Variants in GAB3 observed in about 807,000 individuals in gnomAD.
GAB3 encodes GRB2-associated-binding protein 3.
Under a neutral mutation model 40.4 loss-of-function variants are expected in GAB3, and 12 were observed. The ratio of observed to expected loss-of-function variants is 0.30; its 90% confidence interval spans 0.19 to 0.48. The LOEUF (loss-of-function observed/expected upper bound fraction) is 0.48. Among genes scored for constraint, GAB3 ranks in the 20% least tolerant of loss-of-function variants. The probability of loss-of-function intolerance (pLI) is 0.99; values close to 1 mark genes in which losing one functional copy is unlikely to be tolerated. For missense variants in GAB3, 381 were observed against 461.9 expected (o/e 0.82, Z 1.61); for synonymous variants, 154 against 176.7 (o/e 0.87, Z 1.02).
chrX:154,714,630 C>T (rs781818583), intron 2 of GAB3, among the ~76,000 whole-genome samples: 6 of 112,218 alleles, frequency 5.3e-5, no homozygotes, highest in Admixed American at 1.9e-4. Flanking sequence ...AACTTCATGC[C>T]GGGACAGGCT....
chrX:154,703,841 A>G (rs1460088031), intron 4 of GAB3, among the ~76,000 whole-genome samples: 2 of 111,169 alleles, frequency 1.8e-5, no homozygotes, highest in Admixed American at 1.9e-4. Flanking sequence ...GAGGTTCCTC[A>G]GAAAACTAAA....
rs35585683 is a variant in GAB3 at position 154,706,921 on chromosome X, G to GAA, written c.1069+5306_1069+5307dup. Among the ~76,000 whole-genome samples the GAA allele has an allele frequency of 6.9e-3, 588 of 85,637 alleles. 2 individuals are homozygous for GAA. The highest frequency in any genetic ancestry group is 9.5e-3 in the Non-Finnish European group (418 of 44,225). 74.4% of individuals were successfully genotyped at this position (85,637 alleles called of 115,157 possible). On this transcript the variant is annotated intron_variant, in intron 4 of 9. Transcript: ENST00000424127. ...GGTGACAGAATGAGACCTTGTTTCTGAAAAAAAAAAAAAAAATTAGAAAGA... is the reference window on the plus strand; with the variant it reads ...GGTGACAGAATGAGACCTTGTTTCTGAAAAAAAAAAAAAAAAAATTAGAAAGA...
intron 1 of GAB3, among the ~76,000 whole-genome samples, chrX:154,726,991 C>T (rs1344978681): frequency 4.5e-5 from 5 of 112,278 alleles, no homozygotes; most frequent in African/African-American, 1.6e-4. Flanking sequence ...TCTCAACTCC[C>T]CCCATAAATT....
At chrX:154,728,397 C>T (rs1454702284) in intron 1 of GAB3, among the ~76,000 whole-genome samples, 1 of 112,508 alleles carries the variant, frequency 8.9e-6, no homozygotes, top group Non-Finnish European at 1.9e-5. Context: ...GCGCCTAGAG[C>T]GCCAGGATTT....
chrX:154,695,973 C>T lies in GAB3; in HGVS notation c.1474G>A (p.Ala492Thr). 4 of 1,197,853 alleles carry T rather than the reference C, an allele frequency of 3.3e-6. No homozygotes were observed. The highest frequency in any genetic ancestry group is 4.5e-6 in the Non-Finnish European group (4 of 883,897). ...LSPERNGINS[A>T]RFFANPVSRE... ...GAAACAGGATTAGCAAAAAATCTTG[C>T]AGAATTAATACCATTTCTTTCTGGA... is the stretch of plus-strand genomic sequence containing the variant. Residue 492 changes from alanine (A) to threonine (T), a missense_variant, in exon 8 of 10, where the codon GCA (alanine) becomes ACA (threonine). Physicochemically the swap from Ala to Thr is moderately conservative, Grantham distance 58. Coordinates refer to ENST00000424127, the MANE Select transcript of GAB3 (RefSeq NM_001081573.3).
At chrX:154,748,881 G>C (rs2071568327) in intron 1 of GAB3, among the ~76,000 whole-genome samples, 1 of 111,969 alleles carries the variant, frequency 8.9e-6, no homozygotes, top group Non-Finnish European at 1.9e-5. Flanking sequence ...GCCCTATCCA[G>C]GCCCCGTCGA....
In GAB3 at chrX:154,712,394, C is replaced by T. The variant is rs2070964643; in HGVS notation, c.904G>A (p.Asp302Asn). 8.3e-7 allele frequency: 1 copy of T among 1,209,964 alleles called. No individual in the cohort carries two copies. ...GGAGGTGGAGTGTTGGACATAATGT[C>T]TAGTTCTTTTGCTCCACAGGGTAAG... The part of the protein sequence containing the change: ...GSLPCGAKEL[D>N]IMSNTPPPRP... The change falls in exon 4 of 10, where the codon GAC becomes AAC. Residue 302 changes from aspartate to asparagine, a missense_variant. Physicochemically the swap from Asp to Asn is conservative, Grantham distance 23. Transcript: ENST00000424127.
Position 154,717,265 on chromosome X carries a change from C to T in GAB3, c.73-936G>A, listed in dbSNP as rs187306951. Among the ~76,000 whole-genome samples, 180 of 110,952 alleles carry T rather than the reference C, an allele frequency of 1.6e-3. 2 individuals are homozygous for T. The highest frequency in any genetic ancestry group is 2.1e-3 in the Non-Finnish European group (109 of 52,922). ...CAAGGGATTTTTTAAAGATGGGAGACTCTTAAGCATTCACCCCCTAAGTCA... is the reference window on the plus strand; with the variant it reads ...CAAGGGATTTTTTAAAGATGGGAGATTCTTAAGCATTCACCCCCTAAGTCA... On this transcript the variant is annotated intron_variant, in intron 1 of 9. Transcript: ENST00000424127.
At chrX:154,712,985 C>T (rs1277417484) in intron 3 of GAB3, among the ~76,000 whole-genome samples, 1 of 112,565 alleles carries the variant, frequency 8.9e-6, no homozygotes, top group Non-Finnish European at 1.9e-5. Context: ...ATACTACATG[C>T]TTCATCTTTC....
chrX:154,710,505 A>C (rs2070924788), intron 4 of GAB3, among the ~76,000 whole-genome samples: 1 of 111,853 alleles, frequency 8.9e-6, no homozygotes, highest in African/African-American at 3.3e-5. Context: ...ATACATGGGC[A>C]CTTCATCTAT....
In GAB3 at chrX:154,712,424, C is replaced by T; in HGVS notation, c.874G>A (p.Gly292Ser). The change falls in exon 4 of 10, where the codon GGT becomes AGT. Residue 292 changes from glycine (G) to serine (S), a missense_variant. By Grantham distance (56) the Gly-to-Ser change is moderately conservative. Transcript: ENST00000424127. ...TCTTTTGCTCCACAGGGTAAGGAAC[C>T]TTGATTTTTATCTACCTGAATGGTG... ...SSTIQVDKNQ[G>S]SLPCGAKELD... 8.3e-7 allele frequency: 1 copy of T among 1,211,376 alleles called. No homozygotes were observed. Among genetic ancestry groups the T allele is most frequent in the Non-Finnish European group, 1.1e-6 (1 of 895,277 alleles).
chrX:154,730,531 C>A (rs1276826451), intron 1 of GAB3, among the ~76,000 whole-genome samples: 1 of 112,213 alleles, frequency 8.9e-6, no homozygotes, highest in Non-Finnish European at 1.9e-5. Flanking sequence ...CTAAGCTGAT[C>A]TCCCGTTCTC....
At chrX:154,690,216 G>A (rs1465113787) in intron 8 of GAB3, among the ~76,000 whole-genome samples, 6 of 110,342 alleles carry the variant, frequency 5.4e-5, no homozygotes, top group Admixed American at 1.9e-4. Context: ...CTAGCCATAT[G>A]TAGAAAGCTG....
chrX:154,679,819 T>C (rs1221768937), intron 9 of GAB3, among the ~76,000 whole-genome samples: 1 of 111,705 alleles, frequency 9.0e-6, no homozygotes, highest in Admixed American at 9.5e-5. Context: ...AGGATGTTCC[T>C]ACACCTGGAG....
At chrX:154,719,226 T>C (rs1369405344) in intron 1 of GAB3, among the ~76,000 whole-genome samples, 2 of 112,174 alleles carry the variant, frequency 1.8e-5, no homozygotes, top group Non-Finnish European at 3.8e-5. Context: ...CCCACTAATA[T>C]GCTGGACACT....
chrX:154,699,596 G>T, intron 5 of GAB3, 83 bp from the exon 6 acceptor site: 1 of 773,154 alleles, frequency 1.3e-6, no homozygotes, highest in Non-Finnish European at 1.9e-6. Context: ...TGTACATATG[G>T]TTTCAGTTCC....
At chrX:154,692,824 G>A (rs966822995) in intron 8 of GAB3, among the ~76,000 whole-genome samples, 1 of 112,060 alleles carries the variant, frequency 8.9e-6, no homozygotes, top group South Asian at 3.7e-4. Flanking sequence ...TAGTGAGGAT[G>A]TGGAGAAATT....
intron 2 of GAB3, among the ~76,000 whole-genome samples, chrX:154,714,046 A>AAACACAG (rs2071006715): frequency 9.2e-6 from 1 of 108,837 alleles, no homozygotes; most frequent in Admixed American, 9.9e-5. Flanking sequence ...GGAAGGAAAG[A>AAACACAG]AACACAGTGC....
chrX:154,681,937 C>A (rs1025820388), intron 8 of GAB3, among the ~76,000 whole-genome samples: 36 of 111,878 alleles, frequency 3.2e-4, no homozygotes, highest in African/African-American at 1.1e-3. Context: ...CCTCAAAAAT[C>A]TCTGTTAGGG....
Sources: allele counts gnomAD v4.1 joint callset (sites outside exome capture counted in the v4.1 genomes callset), GRCh38; gene constraint gnomAD v4.1.1; transcripts MANE v1.5; gene names NCBI Gene and HGNC (gene_info 2026-07-23, HGNC 2026-07-21).